KCNC4: variants seen among roughly 807,000 people sequenced by gnomAD.
KCNC4 encodes the protein potassium voltage-gated channel subfamily C member 4.
KCNC4 carries 23 observed loss-of-function variants against 42.8 expected under a neutral mutation model. The ratio of observed to expected loss-of-function variants is 0.54; its 90% CI spans 0.39 to 0.76. The LOEUF is 0.76. Among genes scored for constraint, KCNC4 ranks in the 30% least tolerant of loss-of-function variants. KCNC4 has a pLI of 0.00. For missense variants in KCNC4, 751 were observed against 898.2 expected (o/e 0.84, Z 2.10); for synonymous variants, 422 against 393.5 (o/e 1.07, Z -0.86).
intron 1 of KCNC4, among the ~76,000 whole-genome samples, chr1:110,273,984 A>G (rs1659676986): frequency 6.6e-6 from 1 of 152,224 alleles, no homozygotes; most frequent in African/African-American, 2.4e-5. Flanking sequence ...TGGAAGTCAT[A>G]GACAGAGCAA....
exon 4 of KCNC4, chr1:110,242,394 CTCCTGCTACA>C (rs1307073339): frequency 1.3e-5 from 2 of 152,410 alleles, no homozygotes; most frequent in East Asian, 3.9e-4. Context: ...TTGGATGAAA[CTCCTGCTACA>C]TAAGTGGACA....
At position 110,232,949 on chromosome 1, in the gene KCNC4, G is replaced by A. The variant is rs2101043354; in HGVS notation, c.1858G>A (p.Ala620Thr). The A allele has an allele frequency of 6.2e-7, 1 of 1,611,778 alleles. No homozygotes were observed. Among genetic ancestry groups the A allele is most frequent in the Non-Finnish European group, 8.5e-7 (1 of 1,179,072 alleles). Residue 620 changes from alanine to threonine, a missense_variant, in exon 4 of 4, where the codon GCT (alanine) becomes ACT (threonine). Physicochemically the swap from Ala to Thr is moderately conservative, Grantham distance 58. Around this residue, in one of 4 missense-constraint regions of KCNC4, gnomAD observed 202 missense variants for 181.5 expected, o/e 1.11. Transcript: ENST00000438661. ...QDALSSNYAQ[A>T]EVLTLS is the part of the protein sequence containing the mutation. ...CGCCCTCTCGTCCAACTATGCCCAG[G>A]CTGAAGTCCTCACCCTCTCTTAAAG... is the stretch of plus-strand genomic sequence containing the variant.
exon 4 of KCNC4, chr1:110,242,277 C>T (rs1455270560): frequency 6.6e-6 from 1 of 152,122 alleles, no homozygotes; most frequent in East Asian, 1.9e-4. Context: ...ATCCTGGGTC[C>T]TTTCTCCCTC....
chr1:110,244,921 G>A (rs968926319), exon 4 of KCNC4: 2 of 152,204 alleles, frequency 1.3e-5, no homozygotes, highest in East Asian at 1.9e-4. Flanking sequence ...CCACCTCAGC[G>A]GGTTCTCATA....
At chr1:110,221,536 C>T (rs1658096426) in intron 1 of KCNC4, 2 of 152,376 alleles carry the variant, frequency 1.3e-5, no homozygotes, top group African/African-American at 4.8e-5. Context: ...TTCCCAGGTC[C>T]CCTTGTATTC....
chr1:110,267,392 C>G (rs1659558739), intron 1 of KCNC4, among the ~76,000 whole-genome samples: 1 of 152,104 alleles, frequency 6.6e-6, no homozygotes, highest in Non-Finnish European at 1.5e-5. Context: ...CTGCACACAC[C>G]TCAGTTCAGC....
chr1:110,269,007 C>T lies in KCNC4; in HGVS notation n.31-13527C>T, dbSNP rs139039139. On this transcript the variant is annotated intron_variant and non_coding_transcript_variant, in intron 1 of 2. Transcript: ENST00000412512. ...CTGGGATTACAAGCGTGAGCCACCG[C>T]GCCCGGCCTACCCTGAGATTATTAA... is the stretch of plus-strand genomic sequence containing the variant. Among the ~76,000 whole-genome samples the T allele has an allele frequency of 3.5e-3, 526 of 152,238 alleles. 1 individual carries two copies. Among genetic ancestry groups the T allele is most frequent in the African/African-American group, 0.012 (496 of 41,544 alleles).
chr1:110,240,410 C>A, exon 4 of KCNC4: 1 of 152,636 alleles, frequency 6.6e-6, no homozygotes. Flanking sequence ...AGACTCCCCT[C>A]AGCTCCCCTC....
chr1:110,265,492 T>A (rs1263297129), intron 1 of KCNC4, among the ~76,000 whole-genome samples: 1 of 152,012 alleles, frequency 6.6e-6, no homozygotes, highest in Non-Finnish European at 1.5e-5. Context: ...CCAAAGGAGC[T>A]TTTAGAGAGG....
intron 1 of KCNC4, among the ~76,000 whole-genome samples, chr1:110,257,720 C>CAAAAAAAAAAAAAAAAAAAAAAAAAAAA (rs56333861): frequency 2.2e-5 from 2 of 90,974 alleles, no homozygotes; most frequent in African/African-American, 9.9e-5. Flanking sequence ...GACTCCGTCT[C>CAAAAAAAAAAAAAAAAAAAAAAAAAAAA]AAAAAAAAAA....
chr1:110,243,697 T>C (rs860060), exon 4 of KCNC4: 111,293 of 152,096 alleles, frequency 0.73, 40,868 homozygotes, highest in South Asian at 0.78. Flanking sequence ...AAAAAGCAGG[T>C]AGGGAAGGGG....
chr1:110,227,516 G>A (rs1285968471), intron 3 of KCNC4, among the ~76,000 whole-genome samples: 1 of 152,224 alleles, frequency 6.6e-6, no homozygotes, highest in Non-Finnish European at 1.5e-5. Context: ...CAGATGGAGG[G>A]TGCTCAGACC....
At chr1:110,216,739 C>T (rs900113976) in intron 1 of KCNC4, among the ~76,000 whole-genome samples, 5 of 152,152 alleles carry the variant, frequency 3.3e-5, no homozygotes, top group Non-Finnish European at 7.3e-5. Flanking sequence ...GTGCAACCCT[C>T]ATTCCCTGTG....
At position 110,212,104 on chromosome 1, in the gene KCNC4, C is replaced by T. The variant is rs764150342; in HGVS notation, c.605C>T (p.Ser202Phe). ...GGAGGCGCGGGCCATGGCGCCGGGT[C>T]TGGGGGCTGCCGCGGCTGGCAGCCC... ...HEGGAGHGAG[S>F]GGCRGWQPRM... Residue 202 changes from serine (S) to phenylalanine (F), a missense_variant, in exon 1 of 4, where the codon TCT (serine) becomes TTT (phenylalanine). By Grantham distance (155) the Ser-to-Phe change is radical. Around this residue, in one of 4 missense-constraint regions of KCNC4, gnomAD observed 181 missense variants for 167.3 expected, o/e 1.08. Coordinates refer to ENST00000438661, the MANE Select transcript of KCNC4 (RefSeq NM_001039574.3). The T allele has an allele frequency of 6.6e-7, 1 of 1,508,250 alleles. No individual in the cohort carries two copies. Among genetic ancestry groups the T allele is most frequent in the Admixed American group, 2.4e-5 (1 of 42,512 alleles). The allele number at this position is 1,508,250 out of a possible 1,614,324, so 93.4% of individuals were successfully genotyped here.
chr1:110,231,681 G>A (rs1658702106), intron 3 of KCNC4, among the ~76,000 whole-genome samples: 1 of 152,166 alleles, frequency 6.6e-6, no homozygotes, highest in African/African-American at 2.4e-5. Flanking sequence ...CAGGAGTACA[G>A]GGCAAGACCA....
At chr1:110,271,844 G>A (rs1335938286) in intron 1 of KCNC4, among the ~76,000 whole-genome samples, 1 of 152,138 alleles carries the variant, frequency 6.6e-6, no homozygotes, top group Admixed American at 6.5e-5. Flanking sequence ...ACTGTACAGT[G>A]ACTCTGAAAA....
intron 1 of KCNC4, among the ~76,000 whole-genome samples, chr1:110,259,029 G>C (rs187330308): frequency 1.3e-5 from 2 of 152,218 alleles, no homozygotes; most frequent in Non-Finnish European, 2.9e-5. Flanking sequence ...TGTGGGTAAG[G>C]CTCAGCCTTT....
exon 4 of KCNC4, chr1:110,246,356 C>T (rs1211107284): frequency 6.6e-6 from 1 of 152,228 alleles, no homozygotes; most frequent in African/African-American, 2.4e-5. Flanking sequence ...AACCATGAGT[C>T]AGACTTCATC....
intron 1 of KCNC4, among the ~76,000 whole-genome samples, chr1:110,278,557 C>A (rs1659765947): frequency 6.6e-6 from 1 of 152,138 alleles, no homozygotes; most frequent in South Asian, 2.1e-4. Context: ...AAGTTCTCTC[C>A]CACTTATAAG....
Sources: allele counts gnomAD v4.1 joint callset (sites outside exome capture counted in the v4.1 genomes callset), GRCh38; gene constraint gnomAD v4.1.1; regional missense constraint gnomAD v4.1.1; transcripts MANE v1.5; gene names NCBI Gene and HGNC (gene_info 2026-07-23, HGNC 2026-07-21).